Variants in ALPK1 observed in about 807,000 individuals in gnomAD.
ALPK1 encodes the protein alpha-protein kinase 1.
Under a neutral mutation model 120.6 loss-of-function variants are expected in ALPK1, and 110 were observed. The ratio of observed to expected loss-of-function variants is 0.91; its 90% CI spans 0.78 to 1.07. The LOEUF is 1.07. ALPK1 is among the 50% of genes least tolerant of loss of function. ALPK1 has a pLI of 0.00. For missense variants in ALPK1, 1,498 were observed against 1,483.9 expected (o/e 1.01, Z -0.16); for synonymous variants, 582 against 560.3 (o/e 1.04, Z -0.55).
In ALPK1 at chr4:112,430,532, A is replaced by G. The variant is rs747601253; in HGVS notation, c.985A>G (p.Lys329Glu). The G allele has an allele frequency of 2.5e-6, 4 of 1,614,220 alleles. No homozygotes were observed. The Admixed American group carries it at 6.7e-5, about 27-fold the overall frequency. The change falls in exon 11 of 16, where the codon AAA (lysine) becomes GAA (glutamate). Residue 329 changes from lysine to glutamate, a missense_variant. Physicochemically the swap from Lys to Glu is moderately conservative, Grantham distance 56. Transcript: ENST00000650871. Reference sequence around the variant, plus strand: ...GAAAAACTTACATCTGTGTGAAGCCAAAGAGGCCTTTGAGATTGGCCTCCT... The same window carrying G: ...GAAAAACTTACATCTGTGTGAAGCCGAAGAGGCCTTTGAGATTGGCCTCCT... ...ELKNLHLCEAKEAFEIGLLTK... is the reference protein window; with the variant it reads ...ELKNLHLCEAEEAFEIGLLTK...
intron 2 of ALPK1, among the ~76,000 whole-genome samples, chr4:112,324,144 A>AAG (rs1367944799): frequency 2.6e-5 from 4 of 152,020 alleles, no homozygotes; most frequent in Non-Finnish European, 4.4e-5. Context: ...TGGCTAATAC[A>AAG]GTGAAACCCC....
chr4:112,353,151 TC>T (rs1439836279), intron 2 of ALPK1: 1 of 152,062 alleles, frequency 6.6e-6, no homozygotes, highest in African/African-American at 2.4e-5. Context: ...AATTTTTGTA[TC>T]TTTTGTAAAG....
Position 112,430,540 on chromosome 4 carries a change from C to A in ALPK1, c.993C>A (p.Ala331=), listed in dbSNP as rs190768855. ...KNLHLCEAKE[A]FEIGLLTKRD... is the part of the protein sequence containing the mutation. Reference sequence around the variant, plus strand: ...TACATCTGTGTGAAGCCAAAGAGGCCTTTGAGATTGGCCTCCTCACCAAGA... The same window carrying A: ...TACATCTGTGTGAAGCCAAAGAGGCATTTGAGATTGGCCTCCTCACCAAGA... Residue 331 remains alanine (A), a synonymous_variant, in exon 11 of 16, where the codon GCC becomes GCA. Transcript: ENST00000650871. 3.7e-6 allele frequency: 6 copies of A among 1,614,148 alleles called. No homozygotes were observed. The highest frequency in any genetic ancestry group is 5.1e-6 in the Non-Finnish European group (6 of 1,180,034).
rs1467501364 is a variant in ALPK1, at chr4:112,442,588, CT to C, written c.*1379del. 2.0e-5 allele frequency: 3 copies of C among 151,480 alleles called. No homozygotes were observed. In the South Asian group the frequency reaches 6.3e-4, roughly 32 times the overall value. The allele number at this position is 151,480 out of a possible 1,614,324, so 9.4% of individuals were successfully genotyped here. On this transcript the variant is annotated 3_prime_UTR_variant, in exon 16 of 16. Coordinates refer to ENST00000650871, the MANE Select transcript of ALPK1 (RefSeq NM_025144.4). ...ATGACACAAACCTGCACATGTACCC[CT>C]GAACTTAAAATAAAAGTAAAAAAAA... is the stretch of plus-strand genomic sequence containing the variant.
intron 2 of ALPK1, chr4:112,357,773 T>C (rs1242210553): frequency 4.6e-6 from 5 of 1,089,062 alleles, no homozygotes; most frequent in Non-Finnish European, 7.1e-6. Context: ...GCCCGCATGG[T>C]GCCCTATGGG....
intron 2 of ALPK1, among the ~76,000 whole-genome samples, chr4:112,377,443 TG>T (rs2148726337): frequency 6.6e-6 from 1 of 152,290 alleles, no homozygotes; most frequent in South Asian, 2.1e-4. Context: ...CTGACGTCAC[TG>T]TGGATAGATA....
At chr4:112,304,947 C>T (rs1366931188) in intron 1 of ALPK1, among the ~76,000 whole-genome samples, 2 of 152,062 alleles carry the variant, frequency 1.3e-5, no homozygotes, top group Non-Finnish European at 2.9e-5. Flanking sequence ...GGAAGGGATC[C>T]AGTTTCAGTT....
At position 112,442,072 on chromosome 4, in the gene ALPK1, G is replaced by A. The variant is rs1041591842; in HGVS notation, c.*862G>A. ...AAGGCACCTCTTCATAGGGTAGCAG[G>A]AGAGAGAATGAGTGCCAGCAGGGGA... On this transcript the variant is annotated 3_prime_UTR_variant, in exon 16 of 16. Transcript: ENST00000650871. 2.6e-5 allele frequency: 4 copies of A among 152,852 alleles called. No individual in the cohort carries two copies. Among genetic ancestry groups the A allele is most frequent in the African/African-American group, 7.2e-5 (3 of 41,472 alleles). 9.5% of individuals were successfully genotyped at this position (152,852 alleles called of 1,614,324 possible).
intron 1 of ALPK1, among the ~76,000 whole-genome samples, chr4:112,310,660 T>A (rs909203215): frequency 6.6e-6 from 1 of 152,148 alleles, no homozygotes; most frequent in Non-Finnish European, 1.5e-5. Flanking sequence ...GTATCAGCTT[T>A]GTCTCTTCCT....
intron 2 of ALPK1, chr4:112,356,904 G>T: frequency 1.3e-6 from 1 of 752,196 alleles, no homozygotes. Context: ...AAGAAGACGT[G>T]TGAAGGATTG....
chr4:112,358,117 T>C, intron 2 of ALPK1: 1 of 597,590 alleles, frequency 1.7e-6, no homozygotes. Flanking sequence ...AGGGCCAGGT[T>C]GGGGCTGGGG....
intron 5 of ALPK1, among the ~76,000 whole-genome samples, chr4:112,418,443 T>C (rs1733841029): frequency 6.6e-6 from 1 of 152,110 alleles, no homozygotes; most frequent in Non-Finnish European, 1.5e-5. Context: ...CTCTGCACAA[T>C]GAGGAGACAG....
intron 4 of ALPK1, among the ~76,000 whole-genome samples, chr4:112,403,038 T>G (rs976547894): frequency 3.9e-5 from 6 of 152,262 alleles, no homozygotes; most frequent in Admixed American, 3.9e-4. Flanking sequence ...TTTCTTTTTC[T>G]TTCTTTTTTA....
rs1313814146 is a variant in ALPK1 at position 112,382,477 on chromosome 4, G to A, written c.201G>A (p.Gln67=). The change falls in exon 4 of 16, where the codon CAG becomes CAA. Residue 67 remains glutamine, a synonymous_variant. Coordinates refer to ENST00000650871, the MANE Select transcript of ALPK1 (RefSeq NM_025144.4). ...GGCCCTTCGTGCCTGAAAAGTGGCA[G>A]TACAAACAAGCCGTGGGCCCAGAGG... ...MKWPFVPEKW[Q]YKQAVGPEDK... 1.9e-6 allele frequency: 3 copies of A among 1,613,998 alleles called. No individual in the cohort carries two copies. In the African/African-American group the frequency reaches 4.0e-5, roughly 22 times the overall value.
intron 2 of ALPK1, among the ~76,000 whole-genome samples, chr4:112,372,347 T>G (rs1439358988): frequency 6.6e-6 from 1 of 151,770 alleles, no homozygotes; most frequent in Non-Finnish European, 1.5e-5. Flanking sequence ...CCAATAGCTG[T>G]GACTACAGGC....
intron 2 of ALPK1, among the ~76,000 whole-genome samples, chr4:112,374,050 C>T (rs1397278937): frequency 6.6e-6 from 1 of 152,210 alleles, no homozygotes; most frequent in Non-Finnish European, 1.5e-5. Flanking sequence ...AAGTTTGCTA[C>T]ATGGATTGAG....
At chr4:112,414,688 C>A (rs17444350) in intron 5 of ALPK1, 18,348 of 163,134 alleles carry the variant, frequency 0.11, 1,183 homozygotes, top group African/African-American at 0.17. Context: ...ACCTTTCAAA[C>A]CACAGTTACA....
intron 2 of ALPK1, among the ~76,000 whole-genome samples, chr4:112,345,398 A>C (rs1730058159): frequency 6.6e-6 from 1 of 152,246 alleles, no homozygotes; most frequent in Non-Finnish European, 1.5e-5. Context: ...TAAAAATACA[A>C]TGTGTTGTTG....
chr4:112,416,318 A>G (rs556306485), intron 5 of ALPK1, among the ~76,000 whole-genome samples: 2 of 152,152 alleles, frequency 1.3e-5, no homozygotes, highest in Non-Finnish European at 2.9e-5. Flanking sequence ...AGATGTTCCA[A>G]CCCCATAACT....
Sources: gnomAD v4.1 joint callset for allele counts (sites outside exome capture counted in the v4.1 genomes callset) on GRCh38, gnomAD v4.1.1 for gene constraint, MANE v1.5 for transcripts, NCBI Gene and HGNC (gene_info 2026-07-23, HGNC 2026-07-21) for gene names.